PGS1: variants seen among roughly 807,000 people sequenced by gnomAD.
PGS1 encodes CDP-diacylglycerol--glycerol-3-phosphate 3-phosphatidyltransferase, mitochondrial.
A neutral mutation model predicts 58.3 loss-of-function variants in PGS1; 44 were observed. That is an observed-to-expected ratio of 0.75 (90% CI 0.59 to 0.97). The LOEUF (loss-of-function observed/expected upper bound fraction) is 0.97. Ranked by LOEUF, PGS1 falls within the 50% of genes least tolerant of loss-of-function variation. PGS1 has a pLI of 0.00. For missense variants in PGS1, 684 were observed against 731.1 expected (o/e 0.94, Z 0.74); for synonymous variants, 330 against 311.0 (o/e 1.06, Z -0.64).
At chr17:78,401,744 C>G (rs1216123991) in intron 6 of PGS1, among the ~76,000 whole-genome samples, 1 of 152,190 alleles carries the variant, frequency 6.6e-6, no homozygotes, top group Non-Finnish European at 1.5e-5. Flanking sequence ...ATGCACTGTT[C>G]CTACTGTTGT....
intron 1 of PGS1, among the ~76,000 whole-genome samples, chr17:78,380,116 T>G (rs1162988890): frequency 6.6e-6 from 1 of 152,104 alleles, no homozygotes; most frequent in Non-Finnish European, 1.5e-5. Context: ...TCCACCTGCC[T>G]CGGCCTCCCA....
chr17:78,393,123 C>A (rs1366522545), intron 2 of PGS1, among the ~76,000 whole-genome samples: 1 of 150,752 alleles, frequency 6.6e-6, no homozygotes, highest in Admixed American at 6.6e-5. Flanking sequence ...TGCAGTGGCT[C>A]AATCTTGGCT....
At chr17:78,386,642 G>A (rs2082404050) in intron 1 of PGS1, among the ~76,000 whole-genome samples, 2 of 152,138 alleles carry the variant, frequency 1.3e-5, no homozygotes, top group Admixed American at 6.5e-5. Flanking sequence ...ACGTCTCTTG[G>A]GGCTTTGGGA....
chr17:78,424,167 A>G lies in PGS1; in HGVS notation c.*117A>G, dbSNP rs1177372511. 1.2e-6 allele frequency: 2 copies of G among 1,601,908 alleles called. No homozygotes were observed. The highest frequency in any genetic ancestry group is 1.7e-5 in the Admixed American group (1 of 59,722). On this transcript the variant is annotated 3_prime_UTR_variant, in exon 10 of 10. Coordinates refer to ENST00000262764, the MANE Select transcript of PGS1 (RefSeq NM_024419.5). ...CCCAGCGAGCCCCTGCAGGGACAGT[A>G]TGGCTGAGGGTCAGGTGTGCTGCCA...
At chr17:78,397,320 G>A (rs936081554) in intron 3 of PGS1, among the ~76,000 whole-genome samples, 1 of 152,252 alleles carries the variant, frequency 6.6e-6, no homozygotes, top group Non-Finnish European at 1.5e-5. Flanking sequence ...AGTTAGTGCC[G>A]TTTCTTGGTC....
intron 7 of PGS1, among the ~76,000 whole-genome samples, chr17:78,408,239 C>G (rs1302641903): frequency 2.6e-5 from 4 of 152,150 alleles, no homozygotes; most frequent in Admixed American, 2.6e-4. Context: ...TTATCTATTT[C>G]ATTCTTATTT....
At chr17:78,379,846 C>T (rs1198237682) in intron 1 of PGS1, among the ~76,000 whole-genome samples, 2 of 151,336 alleles carry the variant, frequency 1.3e-5, no homozygotes, top group East Asian at 1.9e-4. Context: ...AAAAAATTCT[C>T]TTGTGTGCAA....
At chr17:78,382,174 T>G (rs1458022973) in intron 1 of PGS1, among the ~76,000 whole-genome samples, 1 of 152,092 alleles carries the variant, frequency 6.6e-6, no homozygotes, top group African/African-American at 2.4e-5. Flanking sequence ...AAGGCAATTC[T>G]GAGGTCCCAC....
At chr17:78,403,418 G>A (rs868076325) in intron 6 of PGS1, 150 bp from the exon 7 acceptor site, 1 of 859,334 alleles carries the variant, frequency 1.2e-6, no homozygotes, top group East Asian at 2.4e-5. Flanking sequence ...CTCGCTCTGG[G>A]CTTGGGGTCC....
chr17:78,402,702 C>T (rs1273510151), intron 6 of PGS1, among the ~76,000 whole-genome samples: 3 of 152,188 alleles, frequency 2.0e-5, no homozygotes, highest in Non-Finnish European at 4.4e-5. Context: ...CCCGCTCCTG[C>T]CTCCGTAAGT....
At chr17:78,423,336 T>A (rs1181463040) in intron 9 of PGS1, among the ~76,000 whole-genome samples, 1 of 152,116 alleles carries the variant, frequency 6.6e-6, no homozygotes, top group African/African-American at 2.4e-5. Context: ...TCTTCTAGAC[T>A]CTGGGGGCGG....
At chr17:78,384,963 C>A (rs1030323574) in intron 1 of PGS1, among the ~76,000 whole-genome samples, 1 of 152,178 alleles carries the variant, frequency 6.6e-6, no homozygotes, top group African/African-American at 2.4e-5. Flanking sequence ...AGCGGGCGCC[C>A]GGTAGGGCCT....
intron 1 of PGS1, among the ~76,000 whole-genome samples, chr17:78,383,400 A>G (rs2082170910): frequency 6.6e-6 from 1 of 151,926 alleles, no homozygotes; most frequent in African/African-American, 2.4e-5. Context: ...CTAATTTTGT[A>G]TTTTTAGTAG....
intron 2 of PGS1, among the ~76,000 whole-genome samples, chr17:78,393,473 T>C (rs2082987321): frequency 6.6e-6 from 1 of 152,198 alleles, no homozygotes; most frequent in African/African-American, 2.4e-5. Context: ...GGGTATGTCC[T>C]TGCTAAAGGT....
In PGS1 at chr17:78,419,695, C is replaced by T; in HGVS notation, c.*10+20C>T. 11 of 1,612,054 alleles carry T rather than the reference C, an allele frequency of 6.8e-6. No individual in the cohort carries two copies. Among genetic ancestry groups the T allele is most frequent in the African/African-American group, 2.7e-5 (2 of 75,014 alleles). ...AGACAGGTGCTGTCTCTAGCATCAC[C>T]TCTCAGCACGATTTTCCCGAGAGTT... On this transcript the variant is annotated intron_variant, in intron 9 of 9. Transcript: ENST00000262764.
chr17:78,421,403 T>TGTCAGTCA (rs4013606), intron 9 of PGS1: 1 of 152,068 alleles, frequency 6.6e-6, no homozygotes, highest in African/African-American at 2.4e-5. Flanking sequence ...CAGGAGTCAC[T>TGTCAGTCA]GTCACCCTTC....
At chr17:78,410,772 G>A (rs545009332) in intron 7 of PGS1, among the ~76,000 whole-genome samples, 11 of 152,070 alleles carry the variant, frequency 7.2e-5, no homozygotes, top group African/African-American at 1.7e-4. Flanking sequence ...GCGCCTGGCC[G>A]TCAGAGCTTT....
chr17:78,404,155 G>A (rs3744219), intron 7 of PGS1, 66 bp downstream of exon 7: 870,332 of 1,441,490 alleles, frequency 0.6, 264,033 homozygotes, highest in Middle Eastern at 0.67. Context: ...AGGGGGTGGG[G>A]AGCCCTGGCG....
At chr17:78,382,902 C>G (rs539486950) in intron 1 of PGS1, 4 of 152,212 alleles carry the variant, frequency 2.6e-5, no homozygotes, top group African/African-American at 7.2e-5. Flanking sequence ...GCCTCGGCCT[C>G]CCAAAGTGCT....
Sources: allele counts gnomAD v4.1 joint callset (sites outside exome capture counted in the v4.1 genomes callset), GRCh38; gene constraint gnomAD v4.1.1; transcripts MANE v1.5; gene names NCBI Gene and HGNC (gene_info 2026-07-23, HGNC 2026-07-21).